SCNN1B: variants seen among roughly 807,000 people sequenced by gnomAD.
SCNN1B encodes epithelial sodium channel subunit beta.
A neutral mutation model predicts 65.3 loss-of-function variants in SCNN1B; 46 were observed. The ratio of observed to expected loss-of-function variants is 0.70; its 90% CI spans 0.56 to 0.90. SCNN1B has a LOEUF of 0.90. SCNN1B is among the 40% of genes least tolerant of loss of function. The pLI is 0.00. For missense variants in SCNN1B, 751 were observed against 830.5 expected (o/e 0.90, Z 1.18); for synonymous variants, 349 against 330.6 (o/e 1.06, Z -0.60).
chr16:23,360,762 ATTTTTGGTTTTTGG>A (rs1158895088), intron 4 of SCNN1B, among the ~76,000 whole-genome samples: 2 of 150,718 alleles, frequency 1.3e-5, no homozygotes, highest in African/African-American at 4.9e-5. Context: ...CACCTGGCTA[ATTTTTGGTTTTTGG>A]TTTTTGGTTT....
intron 1 of SCNN1B, among the ~76,000 whole-genome samples, chr16:23,340,750 C>A (rs1329995550): frequency 6.6e-6 from 1 of 152,144 alleles, no homozygotes; most frequent in Admixed American, 6.6e-5. Context: ...TCTATCAGAG[C>A]TCCTTAATCC....
intron 7 of SCNN1B, among the ~76,000 whole-genome samples, chr16:23,372,560 T>C (rs1962807018): frequency 6.6e-6 from 1 of 150,910 alleles, no homozygotes; most frequent in Non-Finnish European, 1.5e-5. Context: ...GGTGGCGTGA[T>C]ATTGGCTCAC....
chr16:23,287,661 T>A (rs1038297508), intron 2 of SCNN1B, among the ~76,000 whole-genome samples: 1 of 152,072 alleles, frequency 6.6e-6, no homozygotes, highest in African/African-American at 2.4e-5. Context: ...GAGGATCACC[T>A]GAGCCCGGGG....
At chr16:23,320,648 T>C (rs1465037180) in intron 1 of SCNN1B, among the ~76,000 whole-genome samples, 1 of 152,136 alleles carries the variant, frequency 6.6e-6, no homozygotes, top group Non-Finnish European at 1.5e-5. Flanking sequence ...TTCCAGGGGG[T>C]TCTGATCCAT....
chr16:23,284,205 G>A (rs1043559889), intron 2 of SCNN1B, among the ~76,000 whole-genome samples: 4 of 152,120 alleles, frequency 2.6e-5, no homozygotes, highest in Admixed American at 1.3e-4. Context: ...AGGAGTTCAA[G>A]ACCAGCCTGG....
chr16:23,315,142 G>A (rs1174770673), intron 1 of SCNN1B, among the ~76,000 whole-genome samples: 1 of 152,142 alleles, frequency 6.6e-6, no homozygotes, highest in East Asian at 1.9e-4. Context: ...TTTGAGGCCA[G>A]CCTGACCAAC....
chr16:23,381,030 G>A lies in SCNN1B; in HGVS notation c.*229G>A, dbSNP rs934280988. On this transcript the variant is annotated 3_prime_UTR_variant, in exon 13 of 13. Coordinates refer to ENST00000343070, the MANE Select transcript of SCNN1B (RefSeq NM_000336.3). ...CAGGAATAAATTGTATCTTCACCTG[G>A]TTCCTACCCTCGTCCCTACCTGTCC... 9.9e-6 allele frequency: 6 copies of A among 607,744 alleles called. No individual in the cohort carries two copies. The highest frequency in any genetic ancestry group is 1.8e-5 in the Non-Finnish European group (6 of 337,388). 37.6% of individuals were successfully genotyped at this position (607,744 alleles called of 1,614,324 possible). A position where few individuals can be genotyped will look rare whatever the true frequency, so the allele number is the denominator to read the frequency against.
chr16:23,374,037 C>T (rs892174266), intron 7 of SCNN1B, among the ~76,000 whole-genome samples: 3 of 152,164 alleles, frequency 2.0e-5, no homozygotes, highest in Non-Finnish European at 4.4e-5. Context: ...GGCTTGAGCC[C>T]ACCCCAGCCT....
At chr16:23,326,600 G>A (rs539505392) in intron 1 of SCNN1B, among the ~76,000 whole-genome samples, 210 of 152,082 alleles carry the variant, frequency 1.4e-3, no homozygotes, top group African/African-American at 4.9e-3. Flanking sequence ...GAGTAGCTGG[G>A]ATTATAGGTG....
At chr16:23,339,561 T>A (rs75277650) in intron 1 of SCNN1B, among the ~76,000 whole-genome samples, 18,802 of 151,356 alleles carry the variant, frequency 0.12, 1,389 homozygotes, top group East Asian at 0.24. Context: ...TTAACTTATT[T>A]TTATTATTAT....
intron 4 of SCNN1B, among the ~76,000 whole-genome samples, chr16:23,359,037 TG>T (rs1962479191): frequency 6.6e-6 from 1 of 152,216 alleles, no homozygotes; most frequent in South Asian, 2.1e-4. Flanking sequence ...GTGTTAAAAT[TG>T]CTTTCACTCT....
chr16:23,283,189 T>A (rs1315651664), intron 1 of SCNN1B, among the ~76,000 whole-genome samples: 1 of 152,216 alleles, frequency 6.6e-6, no homozygotes, highest in African/African-American at 2.4e-5. Context: ...GGCAGGTGGA[T>A]CACTTGAGGT....
intron 1 of SCNN1B, among the ~76,000 whole-genome samples, chr16:23,329,023 C>T (rs1247624565): frequency 6.6e-6 from 1 of 152,060 alleles, no homozygotes; most frequent in Non-Finnish European, 1.5e-5. Context: ...TGGTCTTGAA[C>T]TCCTGGGCTC....
At chr16:23,329,760 A>C (rs1047328966) in intron 1 of SCNN1B, among the ~76,000 whole-genome samples, 21 of 152,248 alleles carry the variant, frequency 1.4e-4, no homozygotes, top group African/African-American at 5.1e-4. Flanking sequence ...CTTTTTTTCC[A>C]TACTGGGGGT....
chr16:23,367,900 T>A lies in SCNN1B; in HGVS notation c.821T>A (p.Ile274Asn). 1 of 1,614,188 alleles carries A rather than the reference T, an allele frequency of 6.2e-7. No individual in the cohort carries two copies. ...TACCCTCACTATGGCAACTGTTACA[T>A]CTTCAACTGGGGCATGACAGAGAAG... Reference protein sequence around the residue: ...IFYPHYGNCYIFNWGMTEKAL... With the variant: ...IFYPHYGNCYNFNWGMTEKAL... Residue 274 changes from isoleucine to asparagine, a missense_variant, in exon 5 of 13, where the codon ATC (isoleucine) becomes AAC (asparagine). Ile to Asn is a moderately radical substitution (Grantham distance 149). Coordinates refer to ENST00000343070, the MANE Select transcript of SCNN1B (RefSeq NM_000336.3).
intron 1 of SCNN1B, among the ~76,000 whole-genome samples, chr16:23,347,931 G>A (rs909467091): frequency 1.3e-5 from 2 of 152,106 alleles, no homozygotes; most frequent in Admixed American, 6.6e-5. Flanking sequence ...GAAAAAGAAA[G>A]ATTAATAAAA....
intron 1 of SCNN1B, among the ~76,000 whole-genome samples, chr16:23,318,306 A>G (rs1294785078): frequency 1.3e-5 from 2 of 152,156 alleles, no homozygotes; most frequent in African/African-American, 4.8e-5. Context: ...TCGTCTAAAA[A>G]ACAGGTGTAT....
chr16:23,292,010 C>A (rs945417922), intron 2 of SCNN1B, among the ~76,000 whole-genome samples: 2 of 151,776 alleles, frequency 1.3e-5, no homozygotes, highest in African/African-American at 2.4e-5. Context: ...TTTTCTCTCA[C>A]GCCCCACATC....
chr16:23,302,623 G>A (rs1408489512), intron 1 of SCNN1B, among the ~76,000 whole-genome samples, 186 bp downstream of exon 1: 2 of 152,188 alleles, frequency 1.3e-5, no homozygotes, highest in Non-Finnish European at 2.9e-5. Flanking sequence ...CGGGTTGGGG[G>A]CGGAGGGGAG....
Sources: allele counts gnomAD v4.1 joint callset (sites outside exome capture counted in the v4.1 genomes callset), GRCh38; gene constraint gnomAD v4.1.1; transcripts MANE v1.5; gene names NCBI Gene and HGNC (gene_info 2026-07-23, HGNC 2026-07-21).